Variants in STAU2 observed in about 807,000 individuals in gnomAD.
STAU2 encodes the protein staufen double-stranded RNA binding protein 2, also known as double-stranded RNA-binding protein Staufen homolog 2.
A neutral mutation model predicts 65.9 loss-of-function variants in STAU2; 20 were observed. That is an observed-to-expected ratio of 0.30 (90% CI 0.21 to 0.44). The LOEUF (loss-of-function observed/expected upper bound fraction) is 0.44. STAU2 is among the 20% of genes least tolerant of loss of function. STAU2 has a pLI of 1.00. For missense variants in STAU2, 558 were observed against 683.9 expected (o/e 0.82, Z 2.05); for synonymous variants, 232 against 233.9 (o/e 0.99, Z 0.07).
chr8:73,660,116 T>C (rs1341384714), intron 6 of STAU2, among the ~76,000 whole-genome samples: 1 of 152,230 alleles, frequency 6.6e-6, no homozygotes, highest in Non-Finnish European at 1.5e-5. Flanking sequence ...TGTTTACTTA[T>C]GCTTTTGTTT....
chr8:73,427,657 G>C lies in STAU2; in HGVS notation c.1531-4955C>G, dbSNP rs180881167. On this transcript the variant is annotated intron_variant, in intron 13 of 14. Transcript: ENST00000524300. Reference sequence around the variant, plus strand: ...CCCACAGCCTGTGTCCATCAACCGGGGCCCACTGTCCCACCTCACACATGC... The same window carrying C: ...CCCACAGCCTGTGTCCATCAACCGGCGCCCACTGTCCCACCTCACACATGC... Among the ~76,000 whole-genome samples the C allele has an allele frequency of 3.9e-5, 6 of 152,316 alleles. No homozygotes were observed. In the East Asian group the frequency reaches 1.2e-3, roughly 29 times the overall value.
chr8:73,437,282 C>A (rs12550373), intron 13 of STAU2, among the ~76,000 whole-genome samples: 1 of 152,014 alleles, frequency 6.6e-6, no homozygotes, highest in Non-Finnish European at 1.5e-5. Flanking sequence ...CAGGATTATA[C>A]AGGTGGGCCC....
chr8:73,672,011 T>C (rs898134885), intron 6 of STAU2, among the ~76,000 whole-genome samples: 11 of 151,520 alleles, frequency 7.3e-5, no homozygotes, highest in African/African-American at 2.4e-4. Context: ...GGTGACAGAG[T>C]GAGACTGCGT....
At chr8:73,553,813 A>G (rs1585991813) in intron 12 of STAU2, among the ~76,000 whole-genome samples, 1 of 151,454 alleles carries the variant, frequency 6.6e-6, no homozygotes, top group African/African-American at 2.4e-5. Context: ...CTTTTTGTTG[A>G]AATTCTCACT....
At chr8:73,551,879 T>C in intron 13 of STAU2, 133 bp downstream of exon 13, 1 of 1,343,344 alleles carries the variant, frequency 7.4e-7, no homozygotes. Flanking sequence ...GTCCTTTGTG[T>C]TCCTAAATAA....
chr8:73,428,462 A>T (rs1444437189), intron 13 of STAU2, among the ~76,000 whole-genome samples: 1 of 152,060 alleles, frequency 6.6e-6, no homozygotes, highest in African/African-American at 2.4e-5. Flanking sequence ...CACAAATTTC[A>T]AACTTTTTAG....
chr8:73,632,155 T>G (rs1814142762), intron 6 of STAU2, among the ~76,000 whole-genome samples: 1 of 152,092 alleles, frequency 6.6e-6, no homozygotes, highest in Non-Finnish European at 1.5e-5. Context: ...TATAGACGAT[T>G]GAAAGCTGAC....
intron 13 of STAU2, among the ~76,000 whole-genome samples, chr8:73,484,895 G>C (rs551215367): frequency 6.6e-6 from 1 of 152,240 alleles, no homozygotes; most frequent in Non-Finnish European, 1.5e-5. Flanking sequence ...CATGACAGAA[G>C]AGAAGTCACT....
intron 12 of STAU2, among the ~76,000 whole-genome samples, chr8:73,576,730 A>C (rs1393769970): frequency 6.6e-6 from 1 of 152,226 alleles, no homozygotes; most frequent in Non-Finnish European, 1.5e-5. Context: ...TTTCTTCACA[A>C]ATTGTAATAC....
chr8:73,611,024 A>T (rs1812416333), intron 9 of STAU2, among the ~76,000 whole-genome samples: 1 of 152,212 alleles, frequency 6.6e-6, no homozygotes, highest in African/African-American at 2.4e-5. Context: ...TGATCAAATG[A>T]GACAATGTGA....
intron 13 of STAU2, among the ~76,000 whole-genome samples, chr8:73,537,177 C>T (rs1806235189): frequency 6.6e-6 from 1 of 151,896 alleles, no homozygotes; most frequent in African/African-American, 2.4e-5. Context: ...AATATAAGCT[C>T]CCCAATCTGA....
intron 13 of STAU2, among the ~76,000 whole-genome samples, chr8:73,523,474 G>C (rs1823173324): frequency 1.3e-5 from 2 of 152,152 alleles, no homozygotes; most frequent in Admixed American, 1.3e-4. Flanking sequence ...ACCCTTTTTA[G>C]AGTGTAGTTC....
chr8:73,498,421 G>C (rs1015202759), intron 13 of STAU2, among the ~76,000 whole-genome samples: 5 of 151,622 alleles, frequency 3.3e-5, no homozygotes, highest in African/African-American at 9.7e-5. Flanking sequence ...GATTCCATAG[G>C]TAAATAAATA....
chr8:73,728,431 T>A (rs951585806), intron 3 of STAU2, among the ~76,000 whole-genome samples: 4 of 138,428 alleles, frequency 2.9e-5, no homozygotes, highest in Non-Finnish European at 6.1e-5. Context: ...TGCAATTCCA[T>A]ATGAATATGA....
intron 12 of STAU2, among the ~76,000 whole-genome samples, chr8:73,568,551 T>G (rs1233638813): frequency 6.6e-6 from 1 of 151,852 alleles, no homozygotes; most frequent in Middle Eastern, 3.2e-3. Flanking sequence ...TGCAATGAGC[T>G]ATGATCATGC....
intron 13 of STAU2, among the ~76,000 whole-genome samples, chr8:73,493,285 A>G (rs1339317308): frequency 6.6e-6 from 1 of 151,810 alleles, no homozygotes; most frequent in Non-Finnish European, 1.5e-5. Context: ...GAACTGCATC[A>G]AAATTTAAAA....
At chr8:73,571,067 G>A (rs1378829675) in intron 12 of STAU2, among the ~76,000 whole-genome samples, 2 of 151,330 alleles carry the variant, frequency 1.3e-5, no homozygotes, top group African/African-American at 4.9e-5. Flanking sequence ...CAAGCAAATG[G>A]GAAACAAAAA....
chr8:73,618,520 G>C lies in STAU2; in HGVS notation c.411-1069C>G, dbSNP rs571154472. ...AAGTTTAGGGAGACAGGAAAAGCTA[G>C]ATGAGAAGAGGTGGCAAGATTCCAT... On this transcript the variant is annotated intron_variant, in intron 6 of 14. Coordinates refer to ENST00000524300, the MANE Select transcript of STAU2 (RefSeq NM_001164380.2). Among the ~76,000 whole-genome samples, 31 of 152,318 alleles carry C rather than the reference G, an allele frequency of 2.0e-4. No homozygotes were observed. In the East Asian group the frequency reaches 5.8e-3, roughly 28 times the overall value.
intron 12 of STAU2, among the ~76,000 whole-genome samples, chr8:73,570,682 T>A (rs139044121): frequency 0.011 from 1,726 of 152,008 alleles, 24 homozygotes; most frequent in African/African-American, 0.039. Flanking sequence ...AGGAAAAAAT[T>A]TTAAGGGCAG....
Sources: gnomAD v4.1 joint callset for allele counts (sites outside exome capture counted in the v4.1 genomes callset) on GRCh38, gnomAD v4.1.1 for gene constraint, MANE v1.5 for transcripts, NCBI Gene and HGNC (gene_info 2026-07-23, HGNC 2026-07-21) for gene names.